Variants in AFAP1 observed in about 807,000 individuals in gnomAD.
AFAP1 encodes actin filament-associated protein 1.
A neutral mutation model predicts 93.9 loss-of-function variants in AFAP1; 75 were observed. The observed-to-expected ratio is 0.80, with a 90% confidence interval of 0.66 to 0.97. The LOEUF is 0.97. Ranked by LOEUF, AFAP1 falls within the 50% of genes least tolerant of loss-of-function variation. The probability of loss-of-function intolerance (pLI) is 0.00; values close to 1 mark genes in which losing one functional copy is unlikely to be tolerated. For missense variants in AFAP1, 1,201 were observed against 1,050.8 expected (o/e 1.14, Z -1.98); for synonymous variants, 517 against 430.7 (o/e 1.20, Z -2.48).
At position 7,907,771 on chromosome 4, in the gene AFAP1, C is replaced by T. The variant is rs6814511; in HGVS notation, c.-3+31885G>A. Reference sequence around the variant, plus strand: ...AAAAAATCTGAAACACTTCTGGTTCCAAGCAGTTTAGATAAGGGATATTCA... The same window carrying T: ...AAAAAATCTGAAACACTTCTGGTTCTAAGCAGTTTAGATAAGGGATATTCA... On this transcript the variant is annotated intron_variant, in intron 1 of 17. Coordinates refer to ENST00000420658, the MANE Select transcript of AFAP1 (RefSeq NM_001134647.2). Among the ~76,000 whole-genome samples the T allele has an allele frequency of 6.4e-3, 971 of 152,258 alleles. 7 individuals carry two copies. The highest frequency in any genetic ancestry group is 0.021 in the African/African-American group (862 of 41,552).
chr4:7,805,221 T>C (rs1043741084), intron 9 of AFAP1, among the ~76,000 whole-genome samples: 52 of 152,036 alleles, frequency 3.4e-4, no homozygotes, highest in Non-Finnish European at 1.5e-5. Context: ...TTCGTGGAGG[T>C]GGATTATGAT....
intron 1 of AFAP1, among the ~76,000 whole-genome samples, chr4:7,920,063 CCCT>C (rs1259406437): frequency 6.6e-6 from 1 of 152,102 alleles, no homozygotes; most frequent in Non-Finnish European, 1.5e-5. Flanking sequence ...TGGGTTGATT[CCCT>C]GTCTTTGCTA....
chr4:7,901,232 T>C (rs1044861018), intron 1 of AFAP1, among the ~76,000 whole-genome samples: 7 of 152,100 alleles, frequency 4.6e-5, no homozygotes, highest in Non-Finnish European at 8.8e-5. Context: ...AGCAGGGAGA[T>C]GGGGAAGTCT....
rs142017380 is a variant in AFAP1 at position 7,873,630 on chromosome 4, G to A, written c.-2-1550C>T. On this transcript the variant is annotated intron_variant, in intron 1 of 17. Coordinates refer to ENST00000420658, the MANE Select transcript of AFAP1 (RefSeq NM_001134647.2). Reference sequence around the variant, plus strand: ...CCCAAAGCACTGGGATTACAGACGTGAGCCACCACACCCGACCAACACACA... The same window carrying A: ...CCCAAAGCACTGGGATTACAGACGTAAGCCACCACACCCGACCAACACACA... 9.7e-4 allele frequency among the ~76,000 whole-genome samples: 147 copies of A among 152,020 alleles called. 1 individual carries two copies. The South Asian group carries it at 0.013, about 14-fold the overall frequency.
intron 11 of AFAP1, among the ~76,000 whole-genome samples, chr4:7,791,265 T>C (rs1252166754): frequency 1.3e-5 from 2 of 152,248 alleles, no homozygotes; most frequent in African/African-American, 4.8e-5. Flanking sequence ...ATGGAATTCA[T>C]GACCAGCTTT....
At chr4:7,919,094 A>T (rs548997973) in intron 1 of AFAP1, among the ~76,000 whole-genome samples, 74 of 152,084 alleles carry the variant, frequency 4.9e-4, no homozygotes, top group Middle Eastern at 6.8e-3. Context: ...GGGCTGCCAG[A>T]TGAGACACTA....
At chr4:7,766,596 G>C (rs944255465) in intron 17 of AFAP1, among the ~76,000 whole-genome samples, 1 of 126,682 alleles carries the variant, frequency 7.9e-6, no homozygotes, top group East Asian at 5.0e-4. Context: ...ACTGTGTCAC[G>C]GGAGGGAAAC....
chr4:7,792,739 G>A (rs1305928790), intron 11 of AFAP1, among the ~76,000 whole-genome samples: 5 of 152,066 alleles, frequency 3.3e-5, no homozygotes, highest in South Asian at 4.2e-4. Flanking sequence ...AAAAACCCAC[G>A]GGCTTCAGAG....
intron 17 of AFAP1, among the ~76,000 whole-genome samples, chr4:7,766,632 A>G (rs189347199): frequency 4.7e-5 from 7 of 147,526 alleles, no homozygotes; most frequent in South Asian, 2.1e-4. Flanking sequence ...CTGTGTCACG[A>G]GAGGGTAACA....
At chr4:7,900,541 C>T (rs1026581472) in intron 1 of AFAP1, among the ~76,000 whole-genome samples, 6 of 152,218 alleles carry the variant, frequency 3.9e-5, no homozygotes, top group Non-Finnish European at 7.3e-5. Context: ...ATTACTTCAT[C>T]TCTGCCCATG....
chr4:7,896,371 A>G (rs997867124), intron 1 of AFAP1, among the ~76,000 whole-genome samples: 9 of 152,024 alleles, frequency 5.9e-5, no homozygotes, highest in African/African-American at 2.2e-4. Context: ...CGAACCTCCT[A>G]AAATAAAGCA....
At chr4:7,896,911 G>A (rs541305506) in intron 1 of AFAP1, among the ~76,000 whole-genome samples, 3 of 151,356 alleles carry the variant, frequency 2.0e-5, no homozygotes, top group South Asian at 2.1e-4. Context: ...CATGTGACAC[G>A]GTGTGACACG....
intron 3 of AFAP1, chr4:7,862,405 G>GAA (rs1560206471): frequency 8.6e-6 from 1 of 115,708 alleles, no homozygotes; most frequent in African/African-American, 3.1e-5. Context: ...GGGGCGGGGG[G>GAA]GGGGGGGGGC....
intron 15 of AFAP1, chr4:7,773,466 A>C (rs1715717093): frequency 6.2e-6 from 1 of 161,218 alleles, no homozygotes; most frequent in East Asian, 1.8e-4. Context: ...CATTTCTTTA[A>C]GGCACATTCA....
At chr4:7,929,421 AAG>A (rs1172501709) in intron 1 of AFAP1, among the ~76,000 whole-genome samples, 1 of 152,170 alleles carries the variant, frequency 6.6e-6, no homozygotes, top group African/African-American at 2.4e-5. Context: ...CTAAAAAACA[AAG>A]AGAATTCAGG....
rs368116997 is a variant in AFAP1, at chr4:7,905,669, G to C, written c.-2-33589C>G. Reference sequence around the variant, plus strand: ...CTCATTTAGGCCATGAGCACTGACTGCATGTCTGCTGCAGCCAGGACTCCA... The same window carrying C: ...CTCATTTAGGCCATGAGCACTGACTCCATGTCTGCTGCAGCCAGGACTCCA... On this transcript the variant is annotated intron_variant, in intron 1 of 17. Transcript: ENST00000420658. 2.6e-4 allele frequency among the ~76,000 whole-genome samples: 39 copies of C among 152,246 alleles called. No homozygotes were observed. The East Asian group carries it at 5.0e-3, about 20-fold the overall frequency.
At chr4:7,826,993 A>T (rs535412648) in intron 6 of AFAP1, among the ~76,000 whole-genome samples, 1 of 152,356 alleles carries the variant, frequency 6.6e-6, no homozygotes, top group South Asian at 2.1e-4. Context: ...ATAGCTCATG[A>T]AAAGGCAGGC....
intron 10 of AFAP1, among the ~76,000 whole-genome samples, chr4:7,794,742 T>C (rs545767536): frequency 4.7e-4 from 71 of 152,210 alleles, no homozygotes; most frequent in African/African-American, 1.6e-3. Context: ...CCCAGGCTGG[T>C]CTTGAACTCC....
rs143885477 is a variant in AFAP1 at position 7,901,178 on chromosome 4, A to G, written c.-2-29098T>C. Among the ~76,000 whole-genome samples the G allele has an allele frequency of 1.5e-3, 225 of 152,356 alleles. 1 individual carries two copies. The highest frequency in any genetic ancestry group is 7.7e-3 in the South Asian group (37 of 4,826). Reference sequence around the variant, plus strand: ...AGCATGACCACAAGGCATACTCTAAATAAGGATAACACATAAGATGTGGCC... The same window carrying G: ...AGCATGACCACAAGGCATACTCTAAGTAAGGATAACACATAAGATGTGGCC... On this transcript the variant is annotated intron_variant, in intron 1 of 17. Coordinates refer to ENST00000420658, the MANE Select transcript of AFAP1 (RefSeq NM_001134647.2).
Sources: allele counts gnomAD v4.1 joint callset (sites outside exome capture counted in the v4.1 genomes callset), GRCh38; gene constraint gnomAD v4.1.1; transcripts MANE v1.5; gene names NCBI Gene and HGNC (gene_info 2026-07-23, HGNC 2026-07-21).